The following SYN3 variants were observed in gnomAD, a reference collection of about 807,000 sequenced individuals.
SYN3 encodes the protein synapsin-3.
SYN3 carries 35 observed loss-of-function variants against 65.8 expected under a neutral mutation model. The ratio of observed to expected loss-of-function variants is 0.53; its 90% confidence interval spans 0.41 to 0.70. The LOEUF (loss-of-function observed/expected upper bound fraction) is 0.70, where lower values mean the gene tolerates loss of function less well. SYN3 is among the 30% of genes least tolerant of loss of function. SYN3 has a pLI of 0.00. For synonymous variants in SYN3, 270 were observed against 292.9 expected (o/e 0.92, Z 0.80); for missense variants, 680 against 749.0 (o/e 0.91, Z 1.08).
chr22:32,944,998 CT>C (rs2051060506), intron 3 of SYN3, among the ~76,000 whole-genome samples: 1 of 152,194 alleles, frequency 6.6e-6, no homozygotes, highest in African/African-American at 2.4e-5. Flanking sequence ...TGTGAAGGAT[CT>C]CTTCAAGGAG....
chr22:32,755,966 C>A (rs928444641), intron 6 of SYN3, among the ~76,000 whole-genome samples: 1 of 151,546 alleles, frequency 6.6e-6, no homozygotes, highest in Non-Finnish European at 1.5e-5. Context: ...CAAACTAACA[C>A]AGGAACAGAA....
At chr22:32,663,499 C>T (rs1162234064) in intron 6 of SYN3, among the ~76,000 whole-genome samples, 2 of 151,924 alleles carry the variant, frequency 1.3e-5, no homozygotes, top group Non-Finnish European at 2.9e-5. Context: ...GGGGTTTCAC[C>T]GTGTTAGCCA....
intron 7 of SYN3, among the ~76,000 whole-genome samples, chr22:32,562,413 G>C (rs1164528957): frequency 6.6e-6 from 1 of 152,218 alleles, no homozygotes; most frequent in Non-Finnish European, 1.5e-5. Context: ...TTCAGGGTCT[G>C]AGAACTCGAC....
intron 6 of SYN3, among the ~76,000 whole-genome samples, chr22:32,854,748 C>T (rs1216254026): frequency 6.6e-6 from 1 of 152,220 alleles, no homozygotes; most frequent in Non-Finnish European, 1.5e-5. Context: ...GTGGACGGCA[C>T]TTCTTCCAGC....
intron 1 of SYN3, among the ~76,000 whole-genome samples, chr22:33,027,453 C>T (rs9621619): frequency 0.01 from 1,538 of 151,882 alleles, 22 homozygotes; most frequent in Non-Finnish European, 0.015. Flanking sequence ...AAAAATTAGC[C>T]GGGCATGGTG....
At chr22:32,880,355 G>A (rs928965829) in intron 4 of SYN3, among the ~76,000 whole-genome samples, 6 of 152,226 alleles carry the variant, frequency 3.9e-5, no homozygotes, top group African/African-American at 1.4e-4. Context: ...AGGGGTGACG[G>A]TGGTAGCTCA....
intron 6 of SYN3, among the ~76,000 whole-genome samples, chr22:32,651,968 C>G (rs1357457995): frequency 6.6e-6 from 1 of 152,156 alleles, no homozygotes; most frequent in African/African-American, 2.4e-5. Context: ...CACAGGCTAG[C>G]CTCCTGCAAC....
chr22:32,880,914 G>A (rs1240723462), intron 4 of SYN3, among the ~76,000 whole-genome samples: 2 of 152,216 alleles, frequency 1.3e-5, no homozygotes, highest in Non-Finnish European at 2.9e-5. Flanking sequence ...CTGCTGAGAT[G>A]TGCTTGGAAA....
chr22:32,718,092 C>G (rs562094208), intron 6 of SYN3, among the ~76,000 whole-genome samples: 1 of 152,180 alleles, frequency 6.6e-6, no homozygotes, highest in Non-Finnish European at 1.5e-5. Flanking sequence ...TTAGTTTACA[C>G]AGCCAGGATG....
chr22:33,045,154 T>C (rs908924354), intron 1 of SYN3, among the ~76,000 whole-genome samples: 2 of 152,066 alleles, frequency 1.3e-5, no homozygotes, highest in Non-Finnish European at 2.9e-5. Context: ...CAGATGATTC[T>C]TAAATACATT....
At chr22:33,021,726 T>C (rs767911055) in intron 1 of SYN3, among the ~76,000 whole-genome samples, 2 of 151,974 alleles carry the variant, frequency 1.3e-5, no homozygotes, top group Non-Finnish European at 2.9e-5. Flanking sequence ...CTTTGGATCC[T>C]ACTTGTTCTT....
At chr22:32,838,487 TCCTTGAGGGTGCTGAG>T (rs1198933446) in intron 6 of SYN3, among the ~76,000 whole-genome samples, 1 of 152,142 alleles carries the variant, frequency 6.6e-6, no homozygotes, top group Non-Finnish European at 1.5e-5. Context: ...ACCACTGACT[TCCTTGAGGGTGCTGAG>T]CCTTGGGATC....
intron 6 of SYN3, among the ~76,000 whole-genome samples, chr22:32,772,282 G>C (rs1314204392): frequency 7.3e-6 from 1 of 137,490 alleles, no homozygotes; most frequent in Non-Finnish European, 1.5e-5. Context: ...TTTTTTTCAA[G>C]AGGAGGGAGG....
intron 6 of SYN3, among the ~76,000 whole-genome samples, chr22:32,747,099 T>G (rs1046370841): frequency 6.6e-6 from 1 of 152,194 alleles, no homozygotes; most frequent in Admixed American, 6.5e-5. Flanking sequence ...CATTTTCTAC[T>G]TTACATAATA....
chr22:33,011,225 T>G (rs2053344561), intron 1 of SYN3, among the ~76,000 whole-genome samples: 1 of 152,188 alleles, frequency 6.6e-6, no homozygotes, highest in Non-Finnish European at 1.5e-5. Flanking sequence ...TAAATCCACT[T>G]TATTAGATTC....
intron 1 of SYN3, chr22:33,057,785 T>A (rs1478016219): frequency 1.3e-5 from 2 of 152,376 alleles, no homozygotes; most frequent in African/African-American, 4.8e-5. Flanking sequence ...AGGAAACCAC[T>A]CTGAAATTTC....
At chr22:32,995,741 C>T (rs1173402544) in intron 2 of SYN3, among the ~76,000 whole-genome samples, 2 of 152,142 alleles carry the variant, frequency 1.3e-5, no homozygotes, top group Non-Finnish European at 2.9e-5. Context: ...CGGCTCACTG[C>T]AACCTCCGAC....
At chr22:32,969,276 G>C (rs1218420365) in intron 3 of SYN3, among the ~76,000 whole-genome samples, 1 of 152,116 alleles carries the variant, frequency 6.6e-6, no homozygotes, top group African/African-American at 2.4e-5. Context: ...AAAAGAAGAG[G>C]AGAGTCTAAA....
At chr22:33,030,696 T>A in intron 1 of SYN3, among the ~76,000 whole-genome samples, 1 of 130,588 alleles carries the variant, frequency 7.7e-6, no homozygotes, top group South Asian at 2.6e-4. Flanking sequence ...GACAGAGAGA[T>A]CAACACAAAG....
Sources: allele counts gnomAD v4.1 joint callset (sites outside exome capture counted in the v4.1 genomes callset), GRCh38; gene constraint gnomAD v4.1.1; transcripts MANE v1.5; gene names NCBI Gene and HGNC (gene_info 2026-07-23, HGNC 2026-07-21).